SHROOM3: variants seen among roughly 807,000 people sequenced by gnomAD.
SHROOM3 encodes shroom family member 3.
In SHROOM3, 47 loss-of-function variants were observed where a neutral mutation model predicts 138.6. The observed-to-expected ratio is 0.34, with a 90% CI of 0.27 to 0.43. SHROOM3 has a LOEUF of 0.43. SHROOM3 is among the 20% of genes least tolerant of loss of function. The pLI, the probability that SHROOM3 is intolerant of heterozygous loss-of-function variation, is 1.00. For missense variants in SHROOM3, 2,491 were observed against 2,596.5 expected (o/e 0.96, Z 0.88); for synonymous variants, 1,062 against 1,063.3 (o/e 1.00, Z 0.02).
intron 2 of SHROOM3, among the ~76,000 whole-genome samples, chr4:76,697,408 A>G (rs1719772367): frequency 6.6e-6 from 1 of 152,134 alleles, no homozygotes; most frequent in South Asian, 2.1e-4. Context: ...CCAAAAATCA[A>G]CACTCCTGAG....
At chr4:76,493,181 A>G (rs35678584) in intron 1 of SHROOM3, among the ~76,000 whole-genome samples, 12,305 of 143,894 alleles carry the variant, frequency 0.086, 609 homozygotes, top group South Asian at 0.19. Flanking sequence ...AGATCGTGCC[A>G]CTGCACTCCA....
chr4:76,610,794 A>C (rs1048412075), intron 2 of SHROOM3, among the ~76,000 whole-genome samples: 1 of 152,130 alleles, frequency 6.6e-6, no homozygotes, highest in African/African-American at 2.4e-5. Context: ...CTGTTGATTG[A>C]GAGATCCAAA....
intron 1 of SHROOM3, among the ~76,000 whole-genome samples, chr4:76,554,540 C>T (rs1373381086): frequency 6.6e-6 from 1 of 151,684 alleles, no homozygotes; most frequent in Non-Finnish European, 1.5e-5. Flanking sequence ...CTGCCTCAGC[C>T]TCCTGAGTAG....
intron 1 of SHROOM3, among the ~76,000 whole-genome samples, chr4:76,482,234 A>C (rs529083218): frequency 6.6e-6 from 1 of 152,224 alleles, no homozygotes; most frequent in Non-Finnish European, 1.5e-5. Flanking sequence ...TGCAGATGAC[A>C]TGATTGTATA....
rs563779402 is a variant in SHROOM3 at position 76,689,924 on chromosome 4, A to G, written c.324-20232A>G. ...CTTGGCTTTTTATCAGAGAGGCAGTAGCTGCCACTCCAAGAGGAAAATAAT... is the reference window on the plus strand; with the variant it reads ...CTTGGCTTTTTATCAGAGAGGCAGTGGCTGCCACTCCAAGAGGAAAATAAT... On this transcript the variant is annotated intron_variant, in intron 2 of 10. Coordinates refer to ENST00000296043, the MANE Select transcript of SHROOM3 (RefSeq NM_020859.4). 4.5e-3 allele frequency among the ~76,000 whole-genome samples: 687 copies of G among 152,296 alleles called. 6 individuals carry two copies. The highest frequency in any genetic ancestry group is 0.016 in the African/African-American group (650 of 41,566).
chr4:76,746,069 A>T (rs1171691936), intron 5 of SHROOM3, among the ~76,000 whole-genome samples: 1 of 152,224 alleles, frequency 6.6e-6, no homozygotes, highest in Admixed American at 6.5e-5. Context: ...GAAGGAACCA[A>T]GTCACCAAGA....
chr4:76,617,082 A>T (rs754069525), intron 2 of SHROOM3, among the ~76,000 whole-genome samples: 20 of 152,232 alleles, frequency 1.3e-4, no homozygotes, highest in Non-Finnish European at 2.5e-4. Context: ...GCACAGGCTA[A>T]TGGTGCGGGT....
At chr4:76,475,182 G>A (rs1456948897) in intron 1 of SHROOM3, among the ~76,000 whole-genome samples, 1 of 152,094 alleles carries the variant, frequency 6.6e-6, no homozygotes, top group Non-Finnish European at 1.5e-5. Flanking sequence ...CAATGTATAT[G>A]AATATATACA....
Position 76,756,704 on chromosome 4 carries a change from C to T in SHROOM3, c.4965C>T (p.Val1655=). 1.2e-6 allele frequency: 2 copies of T among 1,614,136 alleles called. No homozygotes were observed. The highest frequency in any genetic ancestry group is 1.7e-6 in the Non-Finnish European group (2 of 1,180,036). The change falls in exon 8 of 11, where the codon GTC becomes GTT. Residue 1655 remains valine (V), a synonymous_variant. Transcript: ENST00000296043. ...VSGTQGLEKK[V]SPDPQKSSED... is the part of the protein sequence containing the mutation. ...GAACTCAGGGTTTAGAAAAGAAAGT[C>T]AGTCCTGATCCTCAGAAGAGTTCAG...
At chr4:76,449,396 GA>G (rs1730877858) in intron 1 of SHROOM3, among the ~76,000 whole-genome samples, 1 of 152,160 alleles carries the variant, frequency 6.6e-6, no homozygotes, top group Non-Finnish European at 1.5e-5. Context: ...GTAATGGTGT[GA>G]AGTTTTACAC....
At chr4:76,475,439 C>G (rs750887193) in intron 1 of SHROOM3, among the ~76,000 whole-genome samples, 2 of 152,164 alleles carry the variant, frequency 1.3e-5, no homozygotes, top group African/African-American at 2.4e-5. Flanking sequence ...TTCATGAATG[C>G]TGGCAGAAGA....
At chr4:76,724,994 T>G (rs536299543) in intron 3 of SHROOM3, among the ~76,000 whole-genome samples, 1 of 152,336 alleles carries the variant, frequency 6.6e-6, no homozygotes, top group South Asian at 2.1e-4. Context: ...TTACCTCCTA[T>G]CTGTACGGTA....
Position 76,549,477 on chromosome 4 carries a change from T to C in SHROOM3, c.169-6132T>C, listed in dbSNP as rs1015496852. Among the ~76,000 whole-genome samples, 7 of 152,094 alleles carry C rather than the reference T, an allele frequency of 4.6e-5. No individual in the cohort carries two copies. In the East Asian group the frequency reaches 1.4e-3, roughly 29 times the overall value. On this transcript the variant is annotated intron_variant, in intron 1 of 10. Coordinates refer to ENST00000296043, the MANE Select transcript of SHROOM3 (RefSeq NM_020859.4). ...TGTGCCTCCTGGGTTCAAATGATTC[T>C]TCTACCTCAGCCTCCTGAGTAGCTA... is the stretch of plus-strand genomic sequence containing the variant.
At chr4:76,584,254 G>C (rs976401828) in intron 2 of SHROOM3, among the ~76,000 whole-genome samples, 1 of 152,022 alleles carries the variant, frequency 6.6e-6, no homozygotes, top group Non-Finnish European at 1.5e-5. Context: ...GGAGGCAGAG[G>C]TTGCAGTGAG....
chr4:76,567,478 G>C (rs1439460265), intron 2 of SHROOM3, among the ~76,000 whole-genome samples: 1 of 152,068 alleles, frequency 6.6e-6, no homozygotes, highest in Non-Finnish European at 1.5e-5. Flanking sequence ...ATAAAACCCT[G>C]TCTCTATTAA....
chr4:76,746,668 A>C (rs1400427883), intron 5 of SHROOM3, among the ~76,000 whole-genome samples: 2 of 152,136 alleles, frequency 1.3e-5, no homozygotes, highest in Non-Finnish European at 2.9e-5. Context: ...GTTACTTGAA[A>C]TATTCTAAAG....
At chr4:76,557,666 T>C (rs1297476468) in intron 2 of SHROOM3, among the ~76,000 whole-genome samples, 1 of 152,212 alleles carries the variant, frequency 6.6e-6, no homozygotes, top group Non-Finnish European at 1.5e-5. Flanking sequence ...TGATTTTTGA[T>C]TGTGGTAATC....
chr4:76,706,877 C>T (rs760150758), intron 2 of SHROOM3, among the ~76,000 whole-genome samples: 2 of 152,136 alleles, frequency 1.3e-5, no homozygotes, highest in Non-Finnish European at 2.9e-5. Context: ...ACACAAGGGG[C>T]CACCTCACCC....
chr4:76,713,551 C>T (rs893163294), intron 3 of SHROOM3, among the ~76,000 whole-genome samples: 5 of 152,154 alleles, frequency 3.3e-5, no homozygotes, highest in African/African-American at 7.2e-5. Context: ...GGCTATTTCA[C>T]AGTTAGCTTC....
Sources: gnomAD v4.1 joint callset for allele counts (sites outside exome capture counted in the v4.1 genomes callset) on GRCh38, gnomAD v4.1.1 for gene constraint, MANE v1.5 for transcripts, NCBI Gene and HGNC (gene_info 2026-07-23, HGNC 2026-07-21) for gene names.